RNF145: variants seen among roughly 807,000 people sequenced by gnomAD.
RNF145 encodes the protein ring finger protein 145.
In RNF145, 12 loss-of-function variants were observed where a neutral mutation model predicts 57.3. The ratio of observed to expected loss-of-function variants is 0.21; its 90% CI spans 0.13 to 0.34. The LOEUF is 0.34. Among genes scored for constraint, RNF145 ranks in the 10% least tolerant of loss-of-function variants. The pLI is 1.00. For missense variants in RNF145, 429 were observed against 799.0 expected (o/e 0.54, Z 5.58); for synonymous variants, 262 against 288.3 (o/e 0.91, Z 0.92).
intron 3 of RNF145, among the ~76,000 whole-genome samples, chr5:159,188,929 T>A (rs6556404): frequency 0.75 from 114,210 of 151,628 alleles, 43,976 homozygotes; most frequent in African/African-American, 0.92. Flanking sequence ...TAGTTTTTAA[T>A]TTTTTTTTTC....
intron 3 of RNF145, among the ~76,000 whole-genome samples, chr5:159,183,659 T>C (rs1278731327): frequency 1.3e-5 from 2 of 152,174 alleles, no homozygotes; most frequent in Admixed American, 1.3e-4. Context: ...AAAATAAATT[T>C]ATACCTAAAA....
rs1040448028 is a variant in RNF145, at chr5:159,168,885, G to A, written c.1109C>T (p.Ala370Val). ...IADPIVLALG[A>V]SRDKSLWKHF... ...AGAGGTTTCTTACTTGTCTCTAGATGCTCCCAGTGCCAAAACAATAGGATC... is the reference window on the plus strand; with the variant it reads ...AGAGGTTTCTTACTTGTCTCTAGATACTCCCAGTGCCAAAACAATAGGATC... Residue 370 changes from alanine (A) to valine (V), a missense_variant, in exon 8 of 11, where the codon GCA becomes GTA. Ala to Val is a moderately conservative substitution (Grantham distance 64). This residue lies in a region of RNF145 where 216 missense variants were observed against 457.6 expected (regional missense o/e 0.47). Transcript: ENST00000424310. 1 of 1,554,506 alleles carries A rather than the reference G, an allele frequency of 6.4e-7. No homozygotes were observed. Among genetic ancestry groups the A allele is most frequent in the Non-Finnish European group, 8.6e-7 (1 of 1,156,338 alleles).
At chr5:159,193,325 G>A (rs1278633186) in intron 3 of RNF145, among the ~76,000 whole-genome samples, 1 of 152,136 alleles carries the variant, frequency 6.6e-6, no homozygotes, top group Non-Finnish European at 1.5e-5. Flanking sequence ...CAGGATGGTG[G>A]CAGAAGTTAA....
intron 6 of RNF145, among the ~76,000 whole-genome samples, chr5:159,170,023 T>G (rs1406731448): frequency 6.6e-6 from 1 of 152,224 alleles, no homozygotes; most frequent in Non-Finnish European, 1.5e-5. Context: ...TTCTATCTCA[T>G]TGGCAAATAT....
chr5:159,182,142 C>T, intron 3 of RNF145, 91 bp from the exon 4 acceptor site: 1 of 696,278 alleles, frequency 1.4e-6, no homozygotes, highest in South Asian at 2.3e-5. Flanking sequence ...GTTAATGATA[C>T]CCCTTTCCAT....
chr5:159,182,778 A>G (rs1316225173), intron 3 of RNF145, among the ~76,000 whole-genome samples: 1 of 152,180 alleles, frequency 6.6e-6, no homozygotes, highest in Non-Finnish European at 1.5e-5. Context: ...GTTTATTATC[A>G]GTAAGTTACA....
At chr5:159,170,142 C>T (rs1784500233) in intron 6 of RNF145, among the ~76,000 whole-genome samples, 1 of 152,272 alleles carries the variant, frequency 6.6e-6, no homozygotes, top group East Asian at 1.9e-4. Flanking sequence ...GACAAGTATT[C>T]AAAAGAAGCT....
At chr5:159,184,876 C>A (rs953846008) in intron 3 of RNF145, among the ~76,000 whole-genome samples, 1 of 151,930 alleles carries the variant, frequency 6.6e-6, no homozygotes, top group East Asian at 1.9e-4. Context: ...CATTACTTTG[C>A]GATTTGCTGT....
chr5:159,166,296 T>C (rs970910049), intron 8 of RNF145, among the ~76,000 whole-genome samples: 2 of 152,238 alleles, frequency 1.3e-5, no homozygotes, highest in African/African-American at 2.4e-5. Context: ...CAGGAGTGCA[T>C]ACTAGAAATA....
At chr5:159,198,216 T>G (rs1160052288) in intron 2 of RNF145, among the ~76,000 whole-genome samples, 2 of 150,298 alleles carry the variant, frequency 1.3e-5, no homozygotes, top group Non-Finnish European at 2.9e-5. Context: ...CACTCCAATC[T>G]GGGCGACAGT....
intron 2 of RNF145, 83 bp downstream of exon 2, chr5:159,203,351 C>A (rs370830926): frequency 4.2e-6 from 4 of 949,956 alleles, no homozygotes; most frequent in Non-Finnish European, 6.7e-6. Context: ...AAATGAACTT[C>A]ATTTTACCCA....
chr5:159,203,289 T>C (rs887850213), intron 2 of RNF145, 145 bp downstream of exon 2: 2 of 616,102 alleles, frequency 3.2e-6, no homozygotes, highest in African/African-American at 1.8e-5. Context: ...AAGACAAAAC[T>C]ATCAAGATTC....
chr5:159,209,184 C>T, intron 1 of RNF145, 47 bp downstream of exon 1: 2 of 839,814 alleles, frequency 2.4e-6, no homozygotes, highest in Non-Finnish European at 2.8e-6. Context: ...TGGGAAGCGG[C>T]CGGGGGGCGC....
chr5:159,204,378 A>G (rs952219530), intron 1 of RNF145, among the ~76,000 whole-genome samples: 3 of 147,330 alleles, frequency 2.0e-5, no homozygotes, highest in African/African-American at 7.5e-5. Flanking sequence ...ACAGACCATG[A>G]TAAGTAGTGG....
chr5:159,170,734 G>C (rs1318287001), intron 6 of RNF145, among the ~76,000 whole-genome samples: 1 of 152,126 alleles, frequency 6.6e-6, no homozygotes, highest in East Asian at 1.9e-4. Flanking sequence ...AGCTAAGACC[G>C]TAAGAGCGTG....
chr5:159,196,318 A>C (rs1785459988), intron 2 of RNF145, among the ~76,000 whole-genome samples: 1 of 150,670 alleles, frequency 6.6e-6, no homozygotes, highest in Admixed American at 6.6e-5. Context: ...TTATTTTCCT[A>C]ATGTGGTCCA....
intron 8 of RNF145, among the ~76,000 whole-genome samples, chr5:159,163,428 A>G (rs1471304680): frequency 6.6e-6 from 1 of 152,232 alleles, no homozygotes; most frequent in Non-Finnish European, 1.5e-5. Flanking sequence ...GAGTATTAGA[A>G]TAATTTGTGG....
chr5:159,207,706 T>C lies in RNF145; in HGVS notation c.-40+1525A>G, dbSNP rs200579393. The C allele has an allele frequency of 2.4e-5, 39 of 1,612,822 alleles. No individual in the cohort carries two copies. In the African/African-American group the frequency reaches 3.2e-4, roughly 13 times the overall value. On this transcript the variant is annotated intron_variant, in intron 1 of 10. Coordinates refer to ENST00000424310, the MANE Select transcript of RNF145 (RefSeq NM_001199383.2). Reference sequence around the variant, plus strand: ...TAAGCAATGGCACATGTTTTAAATATAGCTGGTCCTCCCCACTCCCACTCC... The same window carrying C: ...TAAGCAATGGCACATGTTTTAAATACAGCTGGTCCTCCCCACTCCCACTCC...
At chr5:159,184,819 ATCCTT>A (rs1205103682) in intron 3 of RNF145, among the ~76,000 whole-genome samples, 1 of 151,750 alleles carries the variant, frequency 6.6e-6, no homozygotes, top group Non-Finnish European at 1.5e-5. Context: ...TAACTTTGTA[ATCCTT>A]TCCATTATTT....
Sources: allele counts gnomAD v4.1 joint callset (sites outside exome capture counted in the v4.1 genomes callset), GRCh38; gene constraint gnomAD v4.1.1; regional missense constraint gnomAD v4.1.1; transcripts MANE v1.5; gene names NCBI Gene and HGNC (gene_info 2026-07-23, HGNC 2026-07-21).